Variants in BCKDHB observed in about 807,000 individuals in gnomAD.
The protein encoded by BCKDHB is branched chain keto acid dehydrogenase E1 subunit beta, also known as 2-oxoisovalerate dehydrogenase subunit beta, mitochondrial.
In BCKDHB, 41 loss-of-function variants were observed where a neutral mutation model predicts 48.5. That is an observed-to-expected ratio of 0.85 (90% CI 0.66 to 1.10). BCKDHB has a LOEUF of 1.10. Among genes scored for constraint, BCKDHB ranks in the 50% least tolerant of loss-of-function variants. The probability of loss-of-function intolerance (pLI) is 0.00; values close to 1 mark genes in which losing one functional copy is unlikely to be tolerated. For synonymous variants in BCKDHB, 201 were observed against 174.8 expected, an observed-to-expected ratio of 1.15 and a Z score of -1.18; for missense variants, 496 against 494.2, an observed-to-expected ratio of 1.00 and a Z score of -0.03.
Position 80,271,838 on chromosome 6 carries a change from T to C in BCKDHB, c.952-1297T>C, listed in dbSNP as rs1287749200. ...AAAAAAAAACAAAAAAAGAATGATC[T>C]GATTGTCAAATCTTTTTTTTTTCAT... On this transcript the variant is annotated intron_variant, in intron 8 of 9. Coordinates refer to ENST00000320393, the MANE Select transcript of BCKDHB (RefSeq NM_183050.4). Among the ~76,000 whole-genome samples, 5 of 108,476 alleles carry C rather than the reference T, an allele frequency of 4.6e-5. No individual in the cohort carries two copies. In the Admixed American group the frequency reaches 5.8e-4, roughly 12 times the overall value. 71.2% of individuals were successfully genotyped at this position (108,476 alleles called of 152,430 possible).
intron 3 of BCKDHB, 73 bp downstream of exon 3, chr6:80,129,302 C>T (rs1192003583): frequency 1.5e-6 from 2 of 1,337,964 alleles, no homozygotes; most frequent in Non-Finnish European, 2.1e-6. Flanking sequence ...CAAAATATGC[C>T]TACTAAATTT....
At chr6:80,316,365 C>T (rs1768443553) in intron 9 of BCKDHB, among the ~76,000 whole-genome samples, 1 of 133,236 alleles carries the variant, frequency 7.5e-6, no homozygotes, top group African/African-American at 2.7e-5. Flanking sequence ...TTCAGTGAAA[C>T]TCAAACTGCT....
chr6:80,259,564 A>G (rs1267228813), intron 8 of BCKDHB, among the ~76,000 whole-genome samples: 1 of 152,212 alleles, frequency 6.6e-6, no homozygotes, highest in African/African-American at 2.4e-5. Context: ...ATACAATTTT[A>G]TAGTAGATGT....
chr6:80,385,197 AG>A, the BCKDHB span, among the ~76,000 whole-genome samples: 4 of 152,222 alleles, frequency 2.6e-5, no homozygotes, highest in South Asian at 6.2e-4. Flanking sequence ...TCTGTCTCCC[AG>A]CTTCAGAAGC....
rs1237619531 is a variant in BCKDHB at position 80,340,488 on chromosome 6, A to G, written c.1039-3176A>G. On this transcript the variant is annotated intron_variant, in intron 9 of 9. Transcript: ENST00000320393. ...GTGGGGAGAAAGACCATAAACGAAC[A>G]CTCCCCGTTTCTAGCCCATATTCTG... Among the ~76,000 whole-genome samples the G allele has an allele frequency of 2.6e-5, 4 of 151,914 alleles. No individual in the cohort carries two copies. The East Asian group carries it at 5.8e-4, about 22-fold the overall frequency.
the BCKDHB span, among the ~76,000 whole-genome samples, chr6:80,417,868 A>T: frequency 1.3e-5 from 2 of 152,066 alleles, no homozygotes; most frequent in African/African-American, 4.8e-5. Context: ...CTGAATTTGA[A>T]TGTTGGCCAC....
intron 3 of BCKDHB, among the ~76,000 whole-genome samples, chr6:80,166,107 C>G (rs997892970): frequency 5.3e-5 from 8 of 152,102 alleles, no homozygotes; most frequent in African/African-American, 1.7e-4. Flanking sequence ...TAATTTCTTT[C>G]AAGAGTCAAG....
At chr6:80,464,719 A>G in the BCKDHB span, among the ~76,000 whole-genome samples, 1 of 152,214 alleles carries the variant, frequency 6.6e-6, no homozygotes, top group Admixed American at 6.5e-5. Flanking sequence ...AATATTCATT[A>G]TACTGCTCTT....
At chr6:80,121,090 G>T (rs903755174) in intron 1 of BCKDHB, among the ~76,000 whole-genome samples, 1 of 152,154 alleles carries the variant, frequency 6.6e-6, no homozygotes, top group Admixed American at 6.5e-5. Flanking sequence ...TGGCTAGCCA[G>T]TTTTCCCAGC....
chr6:80,168,747 G>A, intron 4 of BCKDHB, 128 bp from the exon 5 acceptor site: 1 of 1,044,874 alleles, frequency 9.6e-7, no homozygotes, highest in Non-Finnish European at 1.4e-6. Flanking sequence ...AGGGAGGCAG[G>A]GAGGGAGGGA....
chr6:80,379,889 G>T, the BCKDHB span, among the ~76,000 whole-genome samples: 6 of 151,946 alleles, frequency 3.9e-5, no homozygotes, highest in Admixed American at 1.3e-4. Context: ...ATTTAACAAA[G>T]ATCTCTACAA....
At chr6:80,278,997 T>A (rs1363577267) in intron 9 of BCKDHB, among the ~76,000 whole-genome samples, 1 of 152,152 alleles carries the variant, frequency 6.6e-6, no homozygotes, top group East Asian at 1.9e-4. Flanking sequence ...CTGGAAAAAT[T>A]TGAATGTGAA....
the BCKDHB span, among the ~76,000 whole-genome samples, chr6:80,455,264 T>C: frequency 1.3e-5 from 2 of 152,172 alleles, no homozygotes; most frequent in South Asian, 4.2e-4. Flanking sequence ...ATAAATAAAA[T>C]CTCACATCTT....
At chr6:80,118,038 A>G (rs1459657418) in intron 1 of BCKDHB, among the ~76,000 whole-genome samples, 1 of 152,172 alleles carries the variant, frequency 6.6e-6, no homozygotes, top group Non-Finnish European at 1.5e-5. Context: ...AAATGTATGC[A>G]ATAGGAGAGT....
chr6:80,220,367 A>C (rs1775376606), intron 8 of BCKDHB, among the ~76,000 whole-genome samples: 1 of 72,910 alleles, frequency 1.4e-5, no homozygotes, highest in Non-Finnish European at 3.2e-5. Flanking sequence ...ATTTTTTTCA[A>C]GTTATGTTCT....
intron 2 of BCKDHB, among the ~76,000 whole-genome samples, chr6:80,128,625 T>G (rs1770464245): frequency 1.3e-5 from 2 of 152,142 alleles, no homozygotes; most frequent in Admixed American, 1.3e-4. Flanking sequence ...GATGGCTTAC[T>G]TACTGTATGC....
intron 8 of BCKDHB, among the ~76,000 whole-genome samples, chr6:80,215,236 A>G (rs1257406514): frequency 6.6e-6 from 1 of 152,206 alleles, no homozygotes; most frequent in African/African-American, 2.4e-5. Flanking sequence ...TCAGATGAGA[A>G]TAGTTTGTTT....
At chr6:80,210,392 T>G (rs1038881915) in intron 8 of BCKDHB, among the ~76,000 whole-genome samples, 2 of 151,996 alleles carry the variant, frequency 1.3e-5, no homozygotes, top group African/African-American at 4.8e-5. Flanking sequence ...ACAAAACTAA[T>G]TGATGATGTT....
At chr6:80,442,905 T>C in the BCKDHB span, among the ~76,000 whole-genome samples, 1 of 152,198 alleles carries the variant, frequency 6.6e-6, no homozygotes, top group Non-Finnish European at 1.5e-5. Flanking sequence ...AGCACCTCCT[T>C]CTGTGTAATG....
Sources: allele counts gnomAD v4.1 joint callset (sites outside exome capture counted in the v4.1 genomes callset), GRCh38; gene constraint gnomAD v4.1.1; transcripts MANE v1.5; gene names NCBI Gene and HGNC (gene_info 2026-07-23, HGNC 2026-07-21).